Variants in TENM4 observed in about 807,000 individuals in gnomAD.
The protein encoded by TENM4 is teneurin transmembrane protein 4.
In TENM4, 82 loss-of-function variants were observed where a neutral mutation model predicts 243.3. The ratio of observed to expected loss-of-function variants is 0.34; its 90% confidence interval spans 0.28 to 0.40. The LOEUF is 0.40. TENM4 is among the 10% of genes least tolerant of loss of function. The pLI is 1.00. For missense variants in TENM4, 3,138 were observed against 3,673.3 expected, an observed-to-expected ratio of 0.85 and a Z score of 3.77; for synonymous variants, 1,412 against 1,456.3, an observed-to-expected ratio of 0.97 and a Z score of 0.69.
chr11:78,920,814 T>C (rs532842628), intron 6 of TENM4, among the ~76,000 whole-genome samples: 1 of 152,050 alleles, frequency 6.6e-6, no homozygotes, highest in Non-Finnish European at 1.5e-5. Context: ...TGGGGAAAAA[T>C]GTATTTGAGT....
chr11:79,308,831 G>A (rs1394945697), intron 1 of TENM4, among the ~76,000 whole-genome samples: 2 of 152,138 alleles, frequency 1.3e-5, no homozygotes, highest in African/African-American at 4.8e-5. Context: ...TTCCTCACCC[G>A]TAAAATGGGA....
At chr11:79,330,443 T>C (rs1484980260) in intron 1 of TENM4, among the ~76,000 whole-genome samples, 1 of 152,196 alleles carries the variant, frequency 6.6e-6, no homozygotes, top group African/African-American at 2.4e-5. Context: ...CACTAGGCCC[T>C]GGGCTCTCTG....
chr11:78,718,809 T>A (rs995382548), intron 25 of TENM4, among the ~76,000 whole-genome samples: 1 of 152,224 alleles, frequency 6.6e-6, no homozygotes, highest in Non-Finnish European at 1.5e-5. Context: ...TGCCATAAAG[T>A]ATGAAAATAA....
At chr11:78,861,476 C>T (rs1858817474) in intron 10 of TENM4, among the ~76,000 whole-genome samples, 2 of 152,186 alleles carry the variant, frequency 1.3e-5, no homozygotes, top group Admixed American at 1.3e-4. Context: ...TTCCTCCCTC[C>T]ATATCCTATT....
chr11:78,805,277 T>TGCCCCCCCACCCCCCCCC lies in TENM4; in HGVS notation c.2179+14_2179+15insGGGGGGGGGTGGGGGGGC. ...CCCCTCCCTCTACCCATGCTTCTTC[T>TGCCCCCCCACCCCCCCCC]CCCCCTGCATTTACCGATAGAACAG... On this transcript the variant is annotated intron_variant, in intron 15 of 33. Transcript: ENST00000278550. The TGCCCCCCCACCCCCCCCC allele has an allele frequency of 7.1e-7, 1 of 1,402,550 alleles. No individual in the cohort carries two copies. The allele number at this position is 1,402,550 out of a possible 1,614,324, so 86.9% of individuals were successfully genotyped here. A position where few individuals can be genotyped will look rare whatever the true frequency, so the allele number is the denominator to read the frequency against.
intron 2 of TENM4, among the ~76,000 whole-genome samples, chr11:79,238,729 C>G (rs1159347759): frequency 6.6e-6 from 1 of 152,114 alleles, no homozygotes; most frequent in East Asian, 1.9e-4. Flanking sequence ...ATACAGGACT[C>G]AAGAATTAGG....
At chr11:79,286,679 A>T (rs55650018) in intron 2 of TENM4, among the ~76,000 whole-genome samples, 2,502 of 151,522 alleles carry the variant, frequency 0.017, 62 homozygotes, top group African/African-American at 0.058. Flanking sequence ...CAAAAAAAAA[A>T]TTTTTTTTTA....
chr11:79,349,027 G>A (rs1857373447), intron 1 of TENM4, among the ~76,000 whole-genome samples: 1 of 152,164 alleles, frequency 6.6e-6, no homozygotes, highest in African/African-American at 2.4e-5. Flanking sequence ...TCACTGTATG[G>A]AGGAAAGGAG....
At chr11:79,036,315 C>A (rs1169475920) in intron 6 of TENM4, among the ~76,000 whole-genome samples, 1 of 152,224 alleles carries the variant, frequency 6.6e-6, no homozygotes, top group Non-Finnish European at 1.5e-5. Context: ...GTATCGCAGG[C>A]ACCTGCATCA....
intron 15 of TENM4, among the ~76,000 whole-genome samples, chr11:78,789,125 T>C (rs115366319): frequency 0.015 from 2,298 of 152,150 alleles, 54 homozygotes; most frequent in African/African-American, 0.053. Context: ...GCACAGATCC[T>C]GGTATAGAAT....
At chr11:79,051,246 G>A in intron 6 of TENM4, among the ~76,000 whole-genome samples, 1 of 152,096 alleles carries the variant, frequency 6.6e-6, no homozygotes, top group East Asian at 1.9e-4. Context: ...CAACCACACT[G>A]TGAGAGAGAT....
At chr11:79,303,165 A>G (rs1169311661) in intron 1 of TENM4, among the ~76,000 whole-genome samples, 1 of 152,196 alleles carries the variant, frequency 6.6e-6, no homozygotes, top group Non-Finnish European at 1.5e-5. Flanking sequence ...GATTCCTTTT[A>G]TTTAAGCATC....
At chr11:78,911,871 C>A (rs775752223) in intron 6 of TENM4, among the ~76,000 whole-genome samples, 1 of 152,184 alleles carries the variant, frequency 6.6e-6, no homozygotes, top group Non-Finnish European at 1.5e-5. Flanking sequence ...ATGAACAAGA[C>A]ACTTCTTTTC....
At chr11:79,282,744 C>A (rs558651605) in intron 2 of TENM4, among the ~76,000 whole-genome samples, 1 of 152,010 alleles carries the variant, frequency 6.6e-6, no homozygotes, top group East Asian at 1.9e-4. Flanking sequence ...AATCTCTTAT[C>A]TGTTATGAAG....
At chr11:79,255,356 C>T (rs753424667) in intron 2 of TENM4, among the ~76,000 whole-genome samples, 7 of 152,154 alleles carry the variant, frequency 4.6e-5, no homozygotes, top group Non-Finnish European at 7.3e-5. Context: ...ATGTTCCTAA[C>T]GCCTCCGTGT....
chr11:78,720,058 C>T (rs1275672676), intron 25 of TENM4, among the ~76,000 whole-genome samples: 1 of 152,192 alleles, frequency 6.6e-6, no homozygotes, highest in Non-Finnish European at 1.5e-5. Context: ...AGGATGACAT[C>T]CTCATTTATT....
rs776937260 is a variant in TENM4, at chr11:78,732,474, A to G, written c.2980T>C (p.Phe994Leu). ...HTLWLPWDRF[F>L]VMETIIMRHE... ...CTCATGATGATGGTTTCCATGACAAAGAAGCGATCCCATGGCAGCCACAGG... is the reference window on the plus strand; with the variant it reads ...CTCATGATGATGGTTTCCATGACAAGGAAGCGATCCCATGGCAGCCACAGG... The change falls in exon 21 of 34, where the codon TTT becomes CTT. Residue 994 changes from phenylalanine to leucine, a missense_variant. Physicochemically the swap from Phe to Leu is conservative, Grantham distance 22. Coordinates refer to ENST00000278550, the MANE Select transcript of TENM4 (RefSeq NM_001098816.3). The G allele has an allele frequency of 2.5e-6, 4 of 1,613,704 alleles. No homozygotes were observed. Among genetic ancestry groups the G allele is most frequent in the Admixed American group, 1.7e-5 (1 of 59,984 alleles).
intron 1 of TENM4, among the ~76,000 whole-genome samples, chr11:79,312,629 T>C (rs55662136): frequency 0.078 from 11,913 of 152,110 alleles, 606 homozygotes; most frequent in Non-Finnish European, 0.11. Flanking sequence ...CACTGAGCAA[T>C]AAATACCACC....
At chr11:78,902,670 C>A (rs1855957768) in intron 7 of TENM4, among the ~76,000 whole-genome samples, 1 of 152,228 alleles carries the variant, frequency 6.6e-6, no homozygotes, top group African/African-American at 2.4e-5. Context: ...CATAATGTCA[C>A]ACACAGGAAA....
Sources: gnomAD v4.1 joint callset for allele counts (sites outside exome capture counted in the v4.1 genomes callset) on GRCh38, gnomAD v4.1.1 for gene constraint, MANE v1.5 for transcripts, NCBI Gene and HGNC (gene_info 2026-07-23, HGNC 2026-07-21) for gene names.